Variants in RGS4 observed in about 807,000 individuals in gnomAD.
RGS4 encodes regulator of G protein signaling 4.
A neutral mutation model predicts 21.6 loss-of-function variants in RGS4; 15 were observed. That is an observed-to-expected ratio of 0.69 (90% confidence interval 0.46 to 1.07). RGS4 has a LOEUF of 1.07. Among genes scored for constraint, RGS4 ranks in the 50% least tolerant of loss-of-function variants. RGS4 has a pLI of 0.00. For missense variants in RGS4, 237 were observed against 239.0 expected (o/e 0.99, Z 0.06); for synonymous variants, 94 against 85.5 (o/e 1.10, Z -0.55).
chr1:163,072,346 A>G (rs756590753), intron 1 of RGS4, 49 bp from the exon 2 acceptor site: 9 of 1,389,502 alleles, frequency 6.5e-6, no homozygotes, highest in Non-Finnish European at 8.1e-6. Context: ...GGTATCTTTT[A>G]AAGAAAGCTG....
intron 1 of RGS4, chr1:163,072,141 G>A (rs569666199): frequency 2.6e-6 from 3 of 1,165,350 alleles, no homozygotes; most frequent in South Asian, 6.5e-5. Flanking sequence ...TCAGGTTTCT[G>A]AGGTAAACTG....
chr1:163,072,538 A>G (rs1211852703), intron 2 of RGS4, 39 bp downstream of exon 2: 1 of 1,385,510 alleles, frequency 7.2e-7, no homozygotes, highest in Non-Finnish European at 1.0e-6. Flanking sequence ...ACTTAGTATT[A>G]ACTATCTGAT....
chr1:163,070,243 C>T (rs1289997801), intron 1 of RGS4, among the ~76,000 whole-genome samples: 2 of 152,016 alleles, frequency 1.3e-5, no homozygotes, highest in Non-Finnish European at 2.9e-5. Flanking sequence ...TACAGACATA[C>T]AGCTATTCAT....
chr1:163,074,088 C>A, intron 4 of RGS4: 1 of 536,664 alleles, frequency 1.9e-6, no homozygotes, highest in Non-Finnish European at 3.3e-6. Flanking sequence ...ATGAATCTCC[C>A]CAATTTGTTA....
At chr1:163,069,357 C>T (rs1466419848), upstream of RGS4, 1 of 1,558,592 alleles carries the variant, frequency 6.4e-7, no homozygotes, top group Non-Finnish European at 8.7e-7. Flanking sequence ...ACAGGCTTAG[C>T]AGGAAGACGC....
chr1:163,072,948 G>A, intron 3 of RGS4, 82 bp downstream of exon 3: 1 of 1,205,286 alleles, frequency 8.3e-7, no homozygotes, highest in Non-Finnish European at 1.2e-6. Context: ...CTGCAGCAAG[G>A]CCTGGCTTCT....
At chr1:163,068,897 G>A, upstream of RGS4, 1 of 1,404,348 alleles carries the variant, frequency 7.1e-7, no homozygotes, top group Non-Finnish European at 1.0e-6. Flanking sequence ...GATCCTGCCA[G>A]CTCCCTTTTG....
rs914618790 is a variant in RGS4 at position 163,075,301 on chromosome 1, TA to T, written c.*745del. ...GCTAACCTGTGGAAAGTTGGTTTTG[TA>T]AAATTCCATGGATCTTGCTGGAGAA... On this transcript the variant is annotated 3_prime_UTR_variant, in exon 5 of 5. Transcript: ENST00000367909. The T allele has an allele frequency of 7.2e-5, 11 of 152,544 alleles. No homozygotes were observed. 9.4% of individuals were successfully genotyped at this position (152,544 alleles called of 1,614,324 possible). A position where few individuals can be genotyped will look rare whatever the true frequency, so the allele number is the denominator to read the frequency against.
At chr1:163,073,374 G>C (rs2102344331) in intron 3 of RGS4, 82 bp from the exon 4 acceptor site, 2 of 1,154,096 alleles carry the variant, frequency 1.7e-6, no homozygotes, top group East Asian at 5.0e-5. Flanking sequence ...TATCCCCCAA[G>C]TACCTCAGCT....
At chr1:163,071,345 T>C (rs1655294122) in intron 1 of RGS4, among the ~76,000 whole-genome samples, 2 of 152,146 alleles carry the variant, frequency 1.3e-5, no homozygotes, top group Non-Finnish European at 1.5e-5. Context: ...TTAGTGGCCA[T>C]CCTAAATGTC....
chr1:163,070,861 AG>A (rs1655277175), intron 1 of RGS4: 1 of 152,176 alleles, frequency 6.6e-6, no homozygotes, highest in Admixed American at 6.5e-5. Flanking sequence ...CAAATCATCT[AG>A]TCCAACATCT....
upstream of RGS4, chr1:163,068,908 G>C (rs1655207520): frequency 3.3e-6 from 5 of 1,506,808 alleles, no homozygotes; most frequent in East Asian, 1.1e-4. Flanking sequence ...CTCCCTTTTG[G>C]AAATCGTGAG....
upstream of RGS4, chr1:163,069,096 T>C: frequency 6.6e-7 from 1 of 1,519,452 alleles, no homozygotes; most frequent in South Asian, 1.3e-5. Context: ...TGCAGCATTG[T>C]ACACTTTTTT....
At position 163,072,450 on chromosome 1, in the gene RGS4, G is replaced by T. The variant is rs767710713; in HGVS notation, c.100G>T (p.Glu34Ter). 1 of 1,613,236 alleles carries T rather than the reference G, an allele frequency of 6.2e-7. No individual in the cohort carries two copies. The highest frequency in any genetic ancestry group is 8.5e-7 in the Non-Finnish European group (1 of 1,179,534). ...GFLLQKSDSC[E>*]HNSSHNKKDK... ...CCTGCTGCAAAAATCTGATTCCTGT[G>T]AACACAATTCTTCCCACAACAAGAA... is the stretch of plus-strand genomic sequence containing the variant. The change falls in exon 2 of 5, where the codon GAA becomes TAA. Residue 34 changes from glutamate to a stop codon, truncating the protein, a stop_gained. Coordinates refer to ENST00000367909, the MANE Select transcript of RGS4 (RefSeq NM_005613.6). LOFTEE classifies it high-confidence loss of function.
chr1:163,075,753 C>T lies in RGS4; in HGVS notation c.*1193C>T, dbSNP rs1315083094. On this transcript the variant is annotated 3_prime_UTR_variant, in exon 5 of 5. Transcript: ENST00000367909. ...TGGTTGTTTTTTCTTTATAATGGCTCTGGGCTATATGCCTATATTTATAAA... is the reference window on the plus strand; with the variant it reads ...TGGTTGTTTTTTCTTTATAATGGCTTTGGGCTATATGCCTATATTTATAAA... 1 of 151,988 alleles carries T rather than the reference C, an allele frequency of 6.6e-6. No homozygotes were observed. The highest frequency in any genetic ancestry group is 6.6e-5 in the Admixed American group (1 of 15,246). The allele number at this position is 151,988 out of a possible 1,614,324, so 9.4% of individuals were successfully genotyped here. A position where few individuals can be genotyped will look rare whatever the true frequency, so the allele number is the denominator to read the frequency against.
chr1:163,074,529 A>G lies in RGS4; in HGVS notation c.587A>G (p.Asp196Gly). Residue 196 changes from aspartate to glycine, a missense_variant, in exon 5 of 5, where the codon GAC (aspartate) becomes GGC (glycine). By Grantham distance (94) the Asp-to-Gly change is moderately conservative (BLOSUM62 -1). Coordinates refer to ENST00000367909, the MANE Select transcript of RGS4 (RefSeq NM_005613.6). ...CAGAAAGGAGCCAAGAGTTCAGCAG[A>G]CTGTGCTTCCCTGGTCCCTCAGTGT... ...EKQKGAKSSA[D>G]CASLVPQCA 2 of 1,613,918 alleles carry G rather than the reference A, an allele frequency of 1.2e-6. No individual in the cohort carries two copies. The highest frequency in any genetic ancestry group is 1.7e-6 in the Non-Finnish European group (2 of 1,179,890).
chr1:163,072,369 T>A (rs1211969443), intron 1 of RGS4, 26 bp from the exon 2 acceptor site: 1 of 1,523,366 alleles, frequency 6.6e-7, no homozygotes, highest in Non-Finnish European at 9.1e-7. Flanking sequence ...TATTACTATT[T>A]ATTCATTTTT....
chr1:163,069,529 G>A lies in RGS4; in HGVS notation c.44+1G>A. The A allele has an allele frequency of 6.2e-7, 1 of 1,611,880 alleles. No homozygotes were observed. The highest frequency in any genetic ancestry group is 8.5e-7 in the Non-Finnish European group (1 of 1,178,570). Reference sequence around the variant, plus strand: ...GTCTGCCGGCTTCTTGCTTGAGGAGGTAAGATTGCTTTCAGCCATTAACCA... The same window carrying A: ...GTCTGCCGGCTTCTTGCTTGAGGAGATAAGATTGCTTTCAGCCATTAACCA... On this transcript the variant is annotated splice_donor_variant, in intron 1 of 4. Transcript: ENST00000367909. LOFTEE classifies it high-confidence loss of function.
At chr1:163,072,892 A>T (rs1220523074) in intron 3 of RGS4, 26 bp downstream of exon 3, 1 of 1,594,532 alleles carries the variant, frequency 6.3e-7, no homozygotes, top group Admixed American at 1.7e-5. Context: ...ACCTGGGATG[A>T]GGTACTCTGG....
Sources: gnomAD v4.1 joint callset for allele counts (sites outside exome capture counted in the v4.1 genomes callset) on GRCh38, gnomAD v4.1.1 for gene constraint, MANE v1.5 for transcripts, NCBI Gene and HGNC (gene_info 2026-07-23, HGNC 2026-07-21) for gene names.